Variants in CEP128 observed in about 807,000 individuals in gnomAD.
CEP128 encodes the protein centrosomal protein 128, also known as centrosomal protein 128kDa.
A neutral mutation model predicts 156.7 loss-of-function variants in CEP128; 132 were observed. That is an observed-to-expected ratio of 0.84 (90% CI 0.73 to 0.97). CEP128 has a LOEUF of 0.97. CEP128 is among the 50% of genes least tolerant of loss of function. CEP128 has a pLI of 0.00. For synonymous variants in CEP128, 469 were observed against 448.9 expected, an observed-to-expected ratio of 1.04 and a Z score of -0.57; for missense variants, 1,252 against 1,281.9, an observed-to-expected ratio of 0.98 and a Z score of 0.36.
At chr14:80,516,272 T>A (rs1229052515) in intron 23 of CEP128, among the ~76,000 whole-genome samples, 1 of 152,168 alleles carries the variant, frequency 6.6e-6, no homozygotes, top group African/African-American at 2.4e-5. Flanking sequence ...GGGAGCTATG[T>A]CATGGAATGA....
rs760523828 is a variant in CEP128 at position 80,955,866 on chromosome 14, A to C, written c.-172+2312T>G. The C allele has an allele frequency of 9.3e-6, 15 of 1,613,938 alleles. No homozygotes were observed. Among genetic ancestry groups the C allele is most frequent in the Non-Finnish European group, 1.3e-5 (15 of 1,180,002 alleles). ...CGCAGACTCTGTGAGTACCCGGGAGAGATCAGGGTAGGACCCAGAGATCAA... is the reference window on the plus strand; with the variant it reads ...CGCAGACTCTGTGAGTACCCGGGAGCGATCAGGGTAGGACCCAGAGATCAA... On this transcript the variant is annotated intron_variant, in intron 2 of 7. Coordinates refer to the CEP128 transcript ENST00000555529.
chr14:80,627,771 A>G (rs1316546075), intron 19 of CEP128, among the ~76,000 whole-genome samples: 1 of 150,402 alleles, frequency 6.6e-6, no homozygotes, highest in Non-Finnish European at 1.5e-5. Context: ...CAGAAGGTAG[A>G]AAGTCCATTT....
chr14:80,780,082 T>A (rs1816807136), intron 15 of CEP128, among the ~76,000 whole-genome samples: 1 of 152,270 alleles, frequency 6.6e-6, no homozygotes, highest in Non-Finnish European at 1.5e-5. Context: ...CATTAAAACA[T>A]TTTAAATTTA....
chr14:80,656,279 TTATATATATATTTATATATATATATATA>T (rs1340772684), intron 19 of CEP128, among the ~76,000 whole-genome samples: 494 of 47,102 alleles, frequency 0.01, 20 homozygotes, highest in South Asian at 0.063. Flanking sequence ...AAGTTTTTAT[TTATATATATATTTATATATATATATATA>T]TATATATATA....
chr14:80,486,067 A>G (rs7156166), downstream of CEP128, among the ~76,000 whole-genome samples: 73,368 of 152,040 alleles, frequency 0.48, 18,765 homozygotes, highest in East Asian at 0.69. Context: ...GCAATTAGCT[A>G]GAAGGGTGGG....
chr14:80,650,419 G>A (rs745648146), intron 19 of CEP128, among the ~76,000 whole-genome samples: 6 of 152,040 alleles, frequency 3.9e-5, no homozygotes, highest in Admixed American at 2.0e-4. Context: ...TCTTTCTCTT[G>A]CCGGATTACC....
chr14:80,708,353 T>G (rs1426928980), intron 19 of CEP128, among the ~76,000 whole-genome samples: 1 of 152,226 alleles, frequency 6.6e-6, no homozygotes, highest in Non-Finnish European at 1.5e-5. Context: ...GTCTATTTCC[T>G]CACAGTCCCC....
At chr14:80,948,665 T>C (rs1886396983) in intron 2 of CEP128, among the ~76,000 whole-genome samples, 1 of 152,160 alleles carries the variant, frequency 6.6e-6, no homozygotes, top group South Asian at 2.1e-4. Context: ...AAGGAAAAAG[T>C]AGTGTTCTAT....
At position 80,785,045 on chromosome 14, in the gene CEP128, C is replaced by T. The variant is rs766219184; in HGVS notation, c.2061G>A (p.Lys687=). ...EETATIITQL[K]LERDVHQREL... ...CCCTCTGGTGCACATCTCGTTCCAG[C>T]TTTAACTGTGTGATGATTGTAGCTG... is the stretch of plus-strand genomic sequence containing the variant. The change falls in exon 15 of 25, where the codon AAG becomes AAA. Residue 687 remains lysine (K), a synonymous_variant. Coordinates refer to ENST00000555265, the MANE Select transcript of CEP128 (RefSeq NM_152446.5). 1.2e-6 allele frequency: 2 copies of T among 1,614,174 alleles called. No homozygotes were observed. Among genetic ancestry groups the T allele is most frequent in the South Asian group, 1.1e-5 (1 of 91,078 alleles).
intron 19 of CEP128, among the ~76,000 whole-genome samples, chr14:80,589,109 T>A (rs773221242): frequency 1.3e-5 from 2 of 152,008 alleles, no homozygotes; most frequent in African/African-American, 4.8e-5. Context: ...ATTTTGAATA[T>A]AGAGGAAGGG....
In CEP128 at chr14:80,784,995, A is replaced by G; in HGVS notation, c.2111T>C (p.Leu704Ser). 6.2e-7 allele frequency: 1 copy of G among 1,614,144 alleles called. No homozygotes were observed. The highest frequency in any genetic ancestry group is 8.5e-7 in the Non-Finnish European group (1 of 1,179,982). The stretch of plus-strand genomic sequence containing the variant: ...TTCGTGTTTTGTTTTCACACTCTGC[A>G]ATGATGATGTGAGATCTTTCAGCTC... ...QRELKDLTSS[L>S]QSVKTKHEQN... Residue 704 changes from leucine to serine, a missense_variant, in exon 15 of 25, where the codon TTG (leucine) becomes TCG (serine). By Grantham distance (145) the Leu-to-Ser change is moderately radical (BLOSUM62 -2). Coordinates refer to ENST00000555265, the MANE Select transcript of CEP128 (RefSeq NM_152446.5).
intron 19 of CEP128, among the ~76,000 whole-genome samples, chr14:80,686,630 G>A (rs1896533340): frequency 6.6e-6 from 1 of 152,072 alleles, no homozygotes; most frequent in African/African-American, 2.4e-5. Context: ...ACACAGAATT[G>A]CAAGCTGGAT....
At chr14:80,837,325 A>G (rs866743166) in intron 11 of CEP128, among the ~76,000 whole-genome samples, 38 of 152,224 alleles carry the variant, frequency 2.5e-4, no homozygotes, top group Admixed American at 6.5e-5. Flanking sequence ...CCCTTATCCA[A>G]TGTATGTAAG....
intron 8 of CEP128, among the ~76,000 whole-genome samples, chr14:80,870,441 C>A (rs1887970361): frequency 6.6e-6 from 1 of 151,980 alleles, no homozygotes; most frequent in African/African-American, 2.4e-5. Context: ...TACAAAGCTG[C>A]AAATCAATAA....
chr14:80,912,159 G>C (rs1884267111), intron 4 of CEP128, among the ~76,000 whole-genome samples: 1 of 151,582 alleles, frequency 6.6e-6, no homozygotes, highest in African/African-American at 2.4e-5. Context: ...GGAGGTTGCA[G>C]TGAGCTGAGA....
chr14:80,738,671 T>C (rs1292995961), intron 19 of CEP128, among the ~76,000 whole-genome samples: 2 of 152,172 alleles, frequency 1.3e-5, no homozygotes, highest in Non-Finnish European at 2.9e-5. Flanking sequence ...GTAACTTTTA[T>C]TATACTATAT....
At chr14:80,856,906 GTTGT>G (rs1433548817) in intron 9 of CEP128, among the ~76,000 whole-genome samples, 1 of 150,430 alleles carries the variant, frequency 6.6e-6, no homozygotes, top group Admixed American at 6.6e-5. Context: ...TTTTGTTGCT[GTTGT>G]TTGTTTTTTG....
At chr14:80,781,416 C>CA (rs1261708267) in intron 15 of CEP128, among the ~76,000 whole-genome samples, 1 of 141,094 alleles carries the variant, frequency 7.1e-6, no homozygotes, top group Non-Finnish European at 1.5e-5. Context: ...GAGATTGCAC[C>CA]ACTGCACTCC....
At chr14:80,520,954 C>A (rs1478897313) in intron 23 of CEP128, among the ~76,000 whole-genome samples, 1 of 150,246 alleles carries the variant, frequency 6.7e-6, no homozygotes, top group Admixed American at 6.7e-5. Context: ...ACCCAAGTAG[C>A]TAGGATTACA....
Sources: gnomAD v4.1 joint callset for allele counts (sites outside exome capture counted in the v4.1 genomes callset) on GRCh38, gnomAD v4.1.1 for gene constraint, MANE v1.5 for transcripts, NCBI Gene and HGNC (gene_info 2026-07-23, HGNC 2026-07-21) for gene names.